FTO: variants seen among roughly 807,000 people sequenced by gnomAD.
FTO encodes the protein alpha-ketoglutarate-dependent dioxygenase FTO.
A neutral mutation model predicts 63.9 loss-of-function variants in FTO; 47 were observed. That is an observed-to-expected ratio of 0.74 (90% CI 0.58 to 0.94). The LOEUF is 0.94. Among genes scored for constraint, FTO ranks in the 40% least tolerant of loss-of-function variants. FTO has a pLI of 0.00. For missense variants in FTO, 562 were observed against 618.1 expected (o/e 0.91, Z 0.96); for synonymous variants, 207 against 224.4 (o/e 0.92, Z 0.69).
At chr16:53,710,610 C>T (rs1025314126) in intron 1 of FTO, among the ~76,000 whole-genome samples, 3 of 152,238 alleles carry the variant, frequency 2.0e-5, no homozygotes, top group Admixed American at 2.0e-4. Context: ...GATGGGGCCT[C>T]TAGAGGTCAC....
At chr16:53,768,983 T>C (rs1375685485) in intron 1 of FTO, among the ~76,000 whole-genome samples, 1 of 152,186 alleles carries the variant, frequency 6.6e-6, no homozygotes, top group Non-Finnish European at 1.5e-5. Context: ...ATTTACTTAT[T>C]AGCTGCCTTC....
chr16:53,919,559 A>G (rs2081960920), intron 7 of FTO, among the ~76,000 whole-genome samples: 1 of 152,232 alleles, frequency 6.6e-6, no homozygotes, highest in Admixed American at 6.5e-5. Flanking sequence ...CAATTGCAGC[A>G]ATACGGAACC....
chr16:53,920,796 T>G (rs562984204), intron 7 of FTO, among the ~76,000 whole-genome samples: 1 of 152,270 alleles, frequency 6.6e-6, no homozygotes, highest in East Asian at 1.9e-4. Flanking sequence ...TGGCAGGTCG[T>G]AAGCACTAAA....
At chr16:53,825,372 TTAA>T (rs2078976050) in intron 2 of FTO, among the ~76,000 whole-genome samples, 1 of 152,162 alleles carries the variant, frequency 6.6e-6, no homozygotes, top group South Asian at 2.1e-4. Flanking sequence ...TTTGGGCAAA[TTAA>T]TGTCTTTGGT....
chr16:53,911,271 G>A lies in FTO; in HGVS notation c.1239+22320G>A, dbSNP rs199823473. On this transcript the variant is annotated intron_variant, in intron 7 of 8. Transcript: ENST00000471389. ...AGAGAATGTAGTTTCAAGAGTAAAG[G>A]AGAACAAAGTAGGGTGACCTAGTCT... The A allele has an allele frequency of 9.0e-5, 59 of 655,904 alleles. No homozygotes were observed. In the East Asian group the frequency reaches 1.6e-3, roughly 18 times the overall value. 40.6% of individuals were successfully genotyped at this position (655,904 alleles called of 1,614,324 possible).
intron 8 of FTO, among the ~76,000 whole-genome samples, chr16:54,078,445 A>C (rs1488921758): frequency 6.7e-6 from 1 of 149,138 alleles, no homozygotes; most frequent in Non-Finnish European, 1.5e-5. Flanking sequence ...CACACACTTC[A>C]AATTAGCACA....
At chr16:53,889,513 G>T (rs895375316) in intron 7 of FTO, among the ~76,000 whole-genome samples, 31 of 152,146 alleles carry the variant, frequency 2.0e-4, no homozygotes, top group African/African-American at 7.5e-4. Context: ...TATGACATTA[G>T]CTAAATTGAA....
chr16:53,867,101 A>T (rs1373348075), intron 4 of FTO, among the ~76,000 whole-genome samples: 1 of 151,786 alleles, frequency 6.6e-6, no homozygotes, highest in Non-Finnish European at 1.5e-5. Context: ...ACTTTCATTT[A>T]GTTCCTTTTT....
intron 7 of FTO, among the ~76,000 whole-genome samples, chr16:53,889,507 A>T (rs1467637551): frequency 6.6e-6 from 1 of 152,208 alleles, no homozygotes; most frequent in Non-Finnish European, 1.5e-5. Context: ...ACCAGGTATG[A>T]CATTAGCTAA....
In FTO at chr16:53,815,636, GTTTTTTTTTTTTTT is replaced by G. The variant is rs556357629; in HGVS notation, c.123+5436_123+5449del. Among the ~76,000 whole-genome samples, 25 of 98,184 alleles carry G rather than the reference GTTTTTTTTTTTTTT, an allele frequency of 2.5e-4. 1 individual carries two copies. The highest frequency in any genetic ancestry group is 2.2e-3 in the Admixed American group (20 of 8,996). 64.4% of individuals were successfully genotyped at this position (98,184 alleles called of 152,430 possible). A position where few individuals can be genotyped will look rare whatever the true frequency, so the allele number is the denominator to read the frequency against. On this transcript the variant is annotated intron_variant, in intron 2 of 8. Transcript: ENST00000471389. The stretch of plus-strand genomic sequence containing the variant: ...ACCCTATAAGGCCATTGACTTTCTT[GTTTTTTTTTTTTTT>G]TTTTTTTTTTTTTTTTGAGACAGAG...
At chr16:53,732,289 G>A (rs2076291240) in intron 1 of FTO, among the ~76,000 whole-genome samples, 4 of 150,852 alleles carry the variant, frequency 2.7e-5, no homozygotes, top group Admixed American at 2.6e-4. Flanking sequence ...CTGACCTCGT[G>A]ATCCACCTGT....
chr16:53,934,414 C>T (rs2082344278), intron 8 of FTO, among the ~76,000 whole-genome samples: 1 of 152,206 alleles, frequency 6.6e-6, no homozygotes, highest in African/African-American at 2.4e-5. Context: ...TTTTAATCAA[C>T]AGTGTAAAAG....
chr16:54,065,782 T>C (rs1445365343), intron 8 of FTO, among the ~76,000 whole-genome samples: 3 of 152,220 alleles, frequency 2.0e-5, no homozygotes, highest in South Asian at 4.1e-4. Flanking sequence ...TCCAGCCCAC[T>C]GTTAGGGATC....
intron 8 of FTO, among the ~76,000 whole-genome samples, chr16:54,050,964 C>G (rs1407238626): frequency 1.3e-5 from 2 of 152,178 alleles, no homozygotes; most frequent in Non-Finnish European, 2.9e-5. Flanking sequence ...AAGTTTCCAA[C>G]TGAAATCGCA....
chr16:54,021,102 T>C (rs747698395), intron 8 of FTO, among the ~76,000 whole-genome samples: 15 of 152,222 alleles, frequency 9.9e-5, no homozygotes, highest in Non-Finnish European at 2.2e-4. Flanking sequence ...CATAGCTACC[T>C]GTGCAGGAGC....
intron 7 of FTO, among the ~76,000 whole-genome samples, chr16:53,930,202 T>G (rs1171743730): frequency 1.3e-5 from 2 of 151,594 alleles, no homozygotes; most frequent in African/African-American, 4.8e-5. Context: ...TTGTTTATAT[T>G]TACTTTTATG....
At chr16:53,783,604 T>TAAAAAAA (rs753810468) in intron 1 of FTO, among the ~76,000 whole-genome samples, 15 of 68,018 alleles carry the variant, frequency 2.2e-4, no homozygotes, top group African/African-American at 3.6e-4. Flanking sequence ...CAAGACTCCA[T>TAAAAAAA]AAAAAAAAAA....
At chr16:53,715,631 T>C (rs1481754334) in intron 1 of FTO, among the ~76,000 whole-genome samples, 2 of 152,218 alleles carry the variant, frequency 1.3e-5, no homozygotes, top group Non-Finnish European at 2.9e-5. Flanking sequence ...CCGCCTCTTA[T>C]GTCTTGTGAG....
At chr16:53,767,846 A>G (rs2077247429) in intron 1 of FTO, among the ~76,000 whole-genome samples, 1 of 152,260 alleles carries the variant, frequency 6.6e-6, no homozygotes, top group South Asian at 2.1e-4. Flanking sequence ...ATCTAAAAAT[A>G]ACTGTTTCAT....
Sources: allele counts gnomAD v4.1 joint callset (sites outside exome capture counted in the v4.1 genomes callset), GRCh38; gene constraint gnomAD v4.1.1; transcripts MANE v1.5; gene names NCBI Gene and HGNC (gene_info 2026-07-23, HGNC 2026-07-21).